CACNA2D1: variants seen among roughly 807,000 people sequenced by gnomAD.
CACNA2D1 encodes the protein voltage-dependent calcium channel subunit alpha-2/delta-1.
CACNA2D1 carries 53 observed loss-of-function variants against 171.5 expected under a neutral mutation model. That is an observed-to-expected ratio of 0.31 (90% CI 0.25 to 0.39). The LOEUF is 0.39. CACNA2D1 is among the 10% of genes least tolerant of loss of function. CACNA2D1 has a pLI of 1.00. For synonymous variants in CACNA2D1, 442 were observed against 443.1 expected, an observed-to-expected ratio of 1.00 and a Z score of 0.03; for missense variants, 903 against 1,299.8, an observed-to-expected ratio of 0.69 and a Z score of 4.69.
chr7:81,959,209 C>A, intron 38 of CACNA2D1, 66 bp downstream of exon 38: 1 of 1,158,350 alleles, frequency 8.6e-7, no homozygotes, highest in Non-Finnish European at 1.3e-6. Context: ...AATTTGTATC[C>A]TTGAATTCTT....
At chr7:82,018,627 T>G (rs889326896) in intron 12 of CACNA2D1, among the ~76,000 whole-genome samples, 5 of 152,186 alleles carry the variant, frequency 3.3e-5, no homozygotes, top group African/African-American at 1.2e-4. Context: ...CTTATAATTC[T>G]GGATTCACAC....
chr7:82,252,879 G>A (rs1805828023), intron 3 of CACNA2D1, among the ~76,000 whole-genome samples: 1 of 151,420 alleles, frequency 6.6e-6, no homozygotes, highest in South Asian at 2.1e-4. Context: ...GACAGAGTGA[G>A]AATTCGTCAG....
chr7:82,258,562 G>T (rs927057793), intron 3 of CACNA2D1, among the ~76,000 whole-genome samples: 4 of 152,068 alleles, frequency 2.6e-5, no homozygotes, highest in Non-Finnish European at 5.9e-5. Context: ...GACAAACCAA[G>T]AATTTCCTAG....
intron 4 of CACNA2D1, among the ~76,000 whole-genome samples, chr7:82,167,809 A>G (rs986198594): frequency 6.6e-6 from 1 of 152,088 alleles, no homozygotes; most frequent in Admixed American, 6.6e-5. Flanking sequence ...CAGGCCCTAA[A>G]TAAATTGTGA....
At chr7:81,990,763 T>C (rs1797464083) in intron 21 of CACNA2D1, among the ~76,000 whole-genome samples, 1 of 152,144 alleles carries the variant, frequency 6.6e-6, no homozygotes. Context: ...CACAATATTA[T>C]AGAACTGATA....
At chr7:82,197,454 G>GT (rs1798963084) in intron 3 of CACNA2D1, among the ~76,000 whole-genome samples, 1 of 152,058 alleles carries the variant, frequency 6.6e-6, no homozygotes, top group South Asian at 2.1e-4. Flanking sequence ...TAACATAAAT[G>GT]TAAGGCATTA....
chr7:82,395,543 A>T (rs1294016089), intron 1 of CACNA2D1, among the ~76,000 whole-genome samples: 1 of 152,238 alleles, frequency 6.6e-6, no homozygotes, highest in African/African-American at 2.4e-5. Flanking sequence ...TTCAATTACT[A>T]TAATTATTTC....
intron 4 of CACNA2D1, among the ~76,000 whole-genome samples, chr7:82,159,562 T>A (rs868104614): frequency 6.6e-6 from 1 of 151,796 alleles, no homozygotes. Flanking sequence ...ATACCCATTA[T>A]TCTTCAGTCT....
At chr7:82,310,402 G>A (rs1421472372) in intron 3 of CACNA2D1, among the ~76,000 whole-genome samples, 2 of 151,826 alleles carry the variant, frequency 1.3e-5, no homozygotes, top group African/African-American at 4.8e-5. Context: ...TAAAATTAAG[G>A]GAAAAATGAT....
At chr7:82,431,753 C>T (rs558770449) in intron 1 of CACNA2D1, among the ~76,000 whole-genome samples, 2 of 151,222 alleles carry the variant, frequency 1.3e-5, no homozygotes, top group Admixed American at 1.3e-4. Context: ...GATTAAAAAA[C>T]ATGAGGCCAG....
At chr7:82,079,494 C>T (rs1809421680) in intron 7 of CACNA2D1, among the ~76,000 whole-genome samples, 1 of 151,900 alleles carries the variant, frequency 6.6e-6, no homozygotes, top group South Asian at 2.1e-4. Context: ...GACTTCGAGA[C>T]CAGCCTTGCC....
intron 3 of CACNA2D1, among the ~76,000 whole-genome samples, chr7:82,252,486 C>A (rs1805765124): frequency 6.6e-6 from 1 of 152,202 alleles, no homozygotes; most frequent in South Asian, 2.1e-4. Flanking sequence ...CCGCTGCACT[C>A]ATCAGTAGAG....
intron 5 of CACNA2D1, among the ~76,000 whole-genome samples, chr7:82,126,007 A>G (rs1790295071): frequency 6.6e-6 from 1 of 152,178 alleles, no homozygotes. Flanking sequence ...GTTTTTCACA[A>G]TTACATTCAT....
chr7:82,228,201 G>A (rs187172100), intron 3 of CACNA2D1, among the ~76,000 whole-genome samples: 4 of 152,190 alleles, frequency 2.6e-5, no homozygotes, highest in Admixed American at 2.6e-4. Context: ...GAGACTATAA[G>A]GAAAATAGGC....
chr7:82,115,325 T>C (rs1336834926), intron 6 of CACNA2D1, among the ~76,000 whole-genome samples: 1 of 152,142 alleles, frequency 6.6e-6, no homozygotes, highest in Non-Finnish European at 1.5e-5. Context: ...TAGCATTGTC[T>C]GAACAGTTAG....
intron 6 of CACNA2D1, among the ~76,000 whole-genome samples, chr7:82,110,006 G>A (rs1056001012): frequency 3.3e-5 from 5 of 152,102 alleles, no homozygotes; most frequent in Non-Finnish European, 7.4e-5. Context: ...AAATTCTAGC[G>A]TTTGGAGGCT....
At chr7:82,196,551 T>G (rs1274626294) in intron 3 of CACNA2D1, among the ~76,000 whole-genome samples, 4 of 151,980 alleles carry the variant, frequency 2.6e-5, no homozygotes, top group Non-Finnish European at 5.9e-5. Context: ...ATTGAGATGA[T>G]TTAGGCTTGG....
chr7:82,265,924 A>G (rs991828874), intron 3 of CACNA2D1, among the ~76,000 whole-genome samples: 1 of 152,118 alleles, frequency 6.6e-6, no homozygotes, highest in African/African-American at 2.4e-5. Flanking sequence ...AAGAACCTAT[A>G]TTTTTGGCAA....
At chr7:82,130,855 G>T (rs1790888513) in intron 5 of CACNA2D1, among the ~76,000 whole-genome samples, 1 of 142,086 alleles carries the variant, frequency 7.0e-6, no homozygotes, top group Non-Finnish European at 1.5e-5. Flanking sequence ...GGAGTGCAGT[G>T]GCACAATCTC....
Sources: gnomAD v4.1 joint callset for allele counts (sites outside exome capture counted in the v4.1 genomes callset) on GRCh38, gnomAD v4.1.1 for gene constraint, MANE v1.5 for transcripts, NCBI Gene and HGNC (gene_info 2026-07-23, HGNC 2026-07-21) for gene names.